Variants in KCNIP4 observed in about 807,000 individuals in gnomAD.
KCNIP4 encodes potassium voltage-gated channel interacting protein 4.
In KCNIP4, 12 loss-of-function variants were observed where a neutral mutation model predicts 34.0. That is an observed-to-expected ratio of 0.35 (90% confidence interval 0.23 to 0.57). The LOEUF (loss-of-function observed/expected upper bound fraction) is 0.57. KCNIP4 is among the 20% of genes least tolerant of loss of function. KCNIP4 has a pLI of 0.83. For missense variants in KCNIP4, 238 were observed against 311.7 expected (o/e 0.76, Z 1.78); for synonymous variants, 124 against 102.2 (o/e 1.21, Z -1.29).
Position 21,912,526 on chromosome 4 carries a change from C to T in KCNIP4, c.61+36045G>A, listed in dbSNP as rs375619985. ...AGTCAAATCGATGTTAGAGCTATGACAGAAATAATGTGGATAAAGAAATAC... is the reference window on the plus strand; with the variant it reads ...AGTCAAATCGATGTTAGAGCTATGATAGAAATAATGTGGATAAAGAAATAC... On this transcript the variant is annotated intron_variant, in intron 1 of 8. Transcript: ENST00000382152. 6.1e-4 allele frequency among the ~76,000 whole-genome samples: 93 copies of T among 152,102 alleles called. 3 individuals are homozygous for T. In the South Asian group the frequency reaches 0.019, roughly 31 times the overall value.
chr4:20,911,370 A>C (rs1292560992), intron 1 of KCNIP4, among the ~76,000 whole-genome samples: 1 of 152,178 alleles, frequency 6.6e-6, no homozygotes, highest in East Asian at 1.9e-4. Context: ...TCATTATTTA[A>C]GAACCATGCT....
chr4:20,883,856 A>C (rs1252915088), intron 1 of KCNIP4, among the ~76,000 whole-genome samples: 1 of 152,214 alleles, frequency 6.6e-6, no homozygotes, highest in African/African-American at 2.4e-5. Context: ...TACACAAATT[A>C]AATAAGATCA....
chr4:21,255,928 C>G (rs760329865), intron 1 of KCNIP4, among the ~76,000 whole-genome samples: 1 of 152,092 alleles, frequency 6.6e-6, no homozygotes, highest in Non-Finnish European at 1.5e-5. Context: ...AAGCAGTTAT[C>G]CAGGCACTGA....
intron 1 of KCNIP4, among the ~76,000 whole-genome samples, chr4:20,908,541 G>A (rs10938816): frequency 6.6e-6 from 1 of 152,096 alleles, no homozygotes; most frequent in Non-Finnish European, 1.5e-5. Context: ...TTGTAAAGCT[G>A]GTTAAAATTC....
chr4:21,140,085 C>T (rs557375496), intron 1 of KCNIP4, among the ~76,000 whole-genome samples: 5 of 152,096 alleles, frequency 3.3e-5, no homozygotes, highest in East Asian at 1.9e-4. Context: ...TAGTAGAGTG[C>T]GAAATTCAAT....
chr4:21,230,704 T>A (rs1173118656), intron 1 of KCNIP4, among the ~76,000 whole-genome samples: 1 of 152,154 alleles, frequency 6.6e-6, no homozygotes, highest in African/African-American at 2.4e-5. Context: ...CATTCCTTTT[T>A]ATGGCTGCAT....
intron 1 of KCNIP4, among the ~76,000 whole-genome samples, chr4:21,204,023 G>C (rs866520016): frequency 2.0e-5 from 3 of 152,258 alleles, no homozygotes; most frequent in Middle Eastern, 3.4e-3. Flanking sequence ...TATGCTCATC[G>C]CTGGGTTGGT....
chr4:21,453,319 A>T (rs532095075), intron 1 of KCNIP4, among the ~76,000 whole-genome samples: 1 of 152,230 alleles, frequency 6.6e-6, no homozygotes, highest in Admixed American at 6.5e-5. Flanking sequence ...AACCCTTTAT[A>T]TGAAAGAGGT....
chr4:21,595,024 C>G (rs1009661809), intron 1 of KCNIP4, among the ~76,000 whole-genome samples: 1 of 152,002 alleles, frequency 6.6e-6, no homozygotes, highest in African/African-American at 2.4e-5. Flanking sequence ...GCAGAATGTG[C>G]AGGTTTGTTA....
chr4:21,002,570 G>A (rs1270249436), intron 1 of KCNIP4, among the ~76,000 whole-genome samples: 1 of 152,140 alleles, frequency 6.6e-6, no homozygotes, highest in Non-Finnish European at 1.5e-5. Context: ...ATTCAGAACG[G>A]GGTTGTCTGC....
At chr4:21,385,276 C>T (rs1375746735) in intron 1 of KCNIP4, among the ~76,000 whole-genome samples, 1 of 152,100 alleles carries the variant, frequency 6.6e-6, no homozygotes, top group Non-Finnish European at 1.5e-5. Context: ...AGAGCAAATG[C>T]TGGGTGATTT....
At chr4:21,326,379 G>C (rs1303509605) in intron 1 of KCNIP4, among the ~76,000 whole-genome samples, 1 of 150,548 alleles carries the variant, frequency 6.6e-6, no homozygotes, top group Non-Finnish European at 1.5e-5. Flanking sequence ...TCTTTTTATA[G>C]TTTTTGTCTT....
rs543315041 is a variant in KCNIP4 at position 21,235,306 on chromosome 4, T to G, written c.62-352597A>C. Among the ~76,000 whole-genome samples the G allele has an allele frequency of 1.6e-4, 25 of 152,278 alleles. No homozygotes were observed. The South Asian group carries it at 5.2e-3, about 32-fold the overall frequency. On this transcript the variant is annotated intron_variant, in intron 1 of 8. Coordinates refer to ENST00000382152, the MANE Select transcript of KCNIP4 (RefSeq NM_025221.6). ...CCACCTACCCAGGATAAGGCTCCTG[T>G]GCTGATGGGAGCTTGAGAACTGGCT...
chr4:21,695,387 C>A (rs768318551), intron 1 of KCNIP4, among the ~76,000 whole-genome samples: 4 of 151,682 alleles, frequency 2.6e-5, no homozygotes, highest in Non-Finnish European at 5.9e-5. Flanking sequence ...TTATGATAAT[C>A]TGTCGGTCCT....
chr4:21,149,362 T>TA (rs1332796017), intron 1 of KCNIP4, among the ~76,000 whole-genome samples: 1 of 152,148 alleles, frequency 6.6e-6, no homozygotes, highest in Non-Finnish European at 1.5e-5. Flanking sequence ...ACTGGAGCTT[T>TA]AGGACCCATC....
At chr4:21,401,460 T>C (rs1301702742) in intron 1 of KCNIP4, among the ~76,000 whole-genome samples, 1 of 152,186 alleles carries the variant, frequency 6.6e-6, no homozygotes, top group South Asian at 2.1e-4. Flanking sequence ...GGGGCAGACC[T>C]ATTAAGGTGC....
chr4:21,373,599 C>T (rs1406986549), intron 1 of KCNIP4, among the ~76,000 whole-genome samples: 1 of 147,240 alleles, frequency 6.8e-6, no homozygotes, highest in Non-Finnish European at 1.5e-5. Flanking sequence ...AATTTAAGGC[C>T]AAACTACAAA....
intron 1 of KCNIP4, among the ~76,000 whole-genome samples, chr4:21,943,718 G>A (rs545586474): frequency 9.2e-4 from 140 of 152,200 alleles, no homozygotes; most frequent in African/African-American, 3.2e-3. Flanking sequence ...AAAAGATTTT[G>A]TGCAGGAGAA....
intron 1 of KCNIP4, among the ~76,000 whole-genome samples, chr4:21,474,841 T>TAA (rs56801156): frequency 6.7e-6 from 1 of 148,278 alleles, no homozygotes; most frequent in Non-Finnish European, 1.5e-5. Context: ...CTAAAAATAA[T>TAA]AAAAAAAAAA....
Sources: allele counts gnomAD v4.1 joint callset (sites outside exome capture counted in the v4.1 genomes callset), GRCh38; gene constraint gnomAD v4.1.1; transcripts MANE v1.5; gene names NCBI Gene and HGNC (gene_info 2026-07-23, HGNC 2026-07-21).